TLE1: variants seen among roughly 807,000 people sequenced by gnomAD.
The protein encoded by TLE1 is TLE family member 1, transcriptional corepressor.
TLE1 carries 21 observed loss-of-function variants against 89.8 expected under a neutral mutation model. That is an observed-to-expected ratio of 0.23 (90% CI 0.17 to 0.34). TLE1 has a LOEUF of 0.34. Ranked by LOEUF, TLE1 falls within the 10% of genes least tolerant of loss-of-function variation. The probability of loss-of-function intolerance (pLI) is 1.00; values close to 1 mark genes in which losing one functional copy is unlikely to be tolerated. For synonymous variants in TLE1, 447 were observed against 407.6 expected, an observed-to-expected ratio of 1.10 and a Z score of -1.16; for missense variants, 795 against 1,031.2, an observed-to-expected ratio of 0.77 and a Z score of 3.14.
intron 4 of TLE1, among the ~76,000 whole-genome samples, chr9:81,656,189 C>T (rs976942887): frequency 6.6e-6 from 1 of 152,094 alleles, no homozygotes; most frequent in African/African-American, 2.4e-5. Flanking sequence ...CTGGGTCAGC[C>T]CCACCCAGTT....
intron 4 of TLE1, among the ~76,000 whole-genome samples, chr9:81,655,462 C>T (rs982902383): frequency 6.6e-6 from 1 of 152,116 alleles, no homozygotes; most frequent in East Asian, 1.9e-4. Flanking sequence ...AGAGAGGGAA[C>T]AGAGGGTACT....
chr9:81,680,439 T>C (rs908142590), intron 4 of TLE1, among the ~76,000 whole-genome samples: 15 of 152,310 alleles, frequency 9.8e-5, no homozygotes, highest in South Asian at 2.1e-4. Context: ...AATTTGGACA[T>C]GTTGTTCCTT....
At position 81,616,116 on chromosome 9, in the gene TLE1, C is replaced by T. The variant is rs188339598; in HGVS notation, c.784G>A (p.Ala262Thr). The T allele has an allele frequency of 5.5e-5, 89 of 1,612,602 alleles. No homozygotes were observed. The East Asian group carries it at 1.8e-3, about 32-fold the overall frequency. ...TCCCGGGGCGAGTGGGCAGGGCTTGCTCGCGGAGAAGAAGGGTCCTCAACA... is the reference window on the plus strand; with the variant it reads ...TCCCGGGGCGAGTGGGCAGGGCTTGTTCGCGGAGAAGAAGGGTCCTCAACA... ...VSNEDPSSPR[A>T]SPAHSPRENG... is the part of the protein sequence containing the mutation. Residue 262 changes from alanine to threonine, a missense_variant, in exon 11 of 20, where the codon GCA becomes ACA. This residue lies in a region of TLE1 where 468 missense variants were observed against 509.1 expected (regional missense o/e 0.92). Coordinates refer to ENST00000376499, the MANE Select transcript of TLE1 (RefSeq NM_005077.5).
intron 8 of TLE1, among the ~76,000 whole-genome samples, chr9:81,632,980 A>G (rs190129779): frequency 1.6e-3 from 244 of 152,326 alleles, no homozygotes; most frequent in African/African-American, 5.5e-3. Flanking sequence ...AAAAATGAAT[A>G]TTCTTTTAAA....
chr9:81,676,789 C>A (rs528174617), intron 4 of TLE1, among the ~76,000 whole-genome samples: 27 of 152,266 alleles, frequency 1.8e-4, no homozygotes, highest in African/African-American at 5.8e-4. Flanking sequence ...TCCCAGGGTG[C>A]GGCCAGGTTT....
intron 5 of TLE1, among the ~76,000 whole-genome samples, chr9:81,652,537 G>GA (rs1249578550): frequency 9.9e-5 from 15 of 151,620 alleles, no homozygotes; most frequent in Admixed American, 9.8e-4. Flanking sequence ...TGGAATGGTA[G>GA]AAAACAAAAA....
At chr9:81,628,195 A>G (rs1826133015) in intron 8 of TLE1, among the ~76,000 whole-genome samples, 1 of 152,192 alleles carries the variant, frequency 6.6e-6, no homozygotes, top group Non-Finnish European at 1.5e-5. Context: ...GCATTCCCTA[A>G]GCACCTTCTA....
intron 4 of TLE1, among the ~76,000 whole-genome samples, chr9:81,674,472 C>G (rs979507976): frequency 6.6e-6 from 1 of 152,076 alleles, no homozygotes; most frequent in Non-Finnish European, 1.5e-5. Flanking sequence ...TGGTCCTTAC[C>G]CCCTTACCAC....
intron 4 of TLE1, among the ~76,000 whole-genome samples, chr9:81,662,071 T>C (rs1201526539): frequency 6.6e-6 from 1 of 152,188 alleles, no homozygotes; most frequent in African/African-American, 2.4e-5. Context: ...ATTCCATGCA[T>C]GAAGCTGTTC....
intron 4 of TLE1, among the ~76,000 whole-genome samples, chr9:81,668,120 G>A (rs1253136191): frequency 1.3e-5 from 2 of 151,864 alleles, no homozygotes; most frequent in East Asian, 3.9e-4. Context: ...AGCCGAGATC[G>A]CGCCACTGCA....
Position 81,615,975 on chromosome 9 carries a change from T to A in TLE1, c.918+7A>T. ...CAAACAGGCAAGTGTCAGTTTTCTT[T>A]ACCTACCAAGCTCATTTCTTTGGAT... On this transcript the variant is annotated splice_region_variant and intron_variant, in intron 11 of 19. Coordinates refer to ENST00000376499, the MANE Select transcript of TLE1 (RefSeq NM_005077.5). 1 of 1,613,398 alleles carries A rather than the reference T, an allele frequency of 6.2e-7. No homozygotes were observed. Among genetic ancestry groups the A allele is most frequent in the Non-Finnish European group, 8.5e-7 (1 of 1,179,990 alleles).
chr9:81,623,616 T>TA lies in TLE1; in HGVS notation c.595-3060_595-3059insT, dbSNP rs1563985629. 6.1e-3 allele frequency among the ~76,000 whole-genome samples: 512 copies of TA among 84,344 alleles called. 6 individuals carry two copies. The highest frequency in any genetic ancestry group is 0.027 in the African/African-American group (488 of 18,042). 55.3% of individuals were successfully genotyped at this position (84,344 alleles called of 152,430 possible). A position where few individuals can be genotyped will look rare whatever the true frequency, so the allele number is the denominator to read the frequency against. On this transcript the variant is annotated intron_variant, in intron 8 of 19. Coordinates refer to ENST00000376499, the MANE Select transcript of TLE1 (RefSeq NM_005077.5). ...CAACATGGTGAAACCCCATCTGTACTTAAAAAAAAAAAAAAAAAAAAAAAA... is the reference window on the plus strand; with the variant it reads ...CAACATGGTGAAACCCCATCTGTACTATAAAAAAAAAAAAAAAAAAAAAAAA...
chr9:81,662,071 T>A (rs1201526539), intron 4 of TLE1, among the ~76,000 whole-genome samples: 3 of 152,306 alleles, frequency 2.0e-5, no homozygotes, highest in Admixed American at 6.5e-5. Context: ...ATTCCATGCA[T>A]GAAGCTGTTC....
chr9:81,629,772 C>G (rs1467090175), intron 8 of TLE1, among the ~76,000 whole-genome samples: 1 of 152,150 alleles, frequency 6.6e-6, no homozygotes, highest in Non-Finnish European at 1.5e-5. Context: ...ATTTGTGTAT[C>G]TAAACACACC....
At chr9:81,590,091 T>A (rs1483776961) in intron 16 of TLE1, among the ~76,000 whole-genome samples, 1 of 152,136 alleles carries the variant, frequency 6.6e-6, no homozygotes, top group African/African-American at 2.4e-5. Flanking sequence ...GAAACAAGAG[T>A]AAAACATGTA....
chr9:81,687,327 C>T lies in TLE1; in HGVS notation c.125+7G>A, dbSNP rs1336525045. The T allele has an allele frequency of 1.9e-6, 3 of 1,598,966 alleles. No homozygotes were observed. The highest frequency in any genetic ancestry group is 3.5e-5 in the Admixed American group (2 of 57,756). On this transcript the variant is annotated splice_region_variant and intron_variant, in intron 2 of 19. Coordinates refer to ENST00000376499, the MANE Select transcript of TLE1 (RefSeq NM_005077.5). ...CGACCACTCGCATGGCGCGGCCGGA[C>T]ACGCACCTGTGATACTGCGCCTGCA... is the stretch of plus-strand genomic sequence containing the variant.
At chr9:81,681,334 T>C (rs546005068) in intron 4 of TLE1, among the ~76,000 whole-genome samples, 32 of 152,168 alleles carry the variant, frequency 2.1e-4, no homozygotes, top group Admixed American at 1.8e-3. Context: ...GGGAATCACT[T>C]GAGGTCAGGA....
intron 4 of TLE1, among the ~76,000 whole-genome samples, chr9:81,680,646 A>G (rs1588250398): frequency 6.6e-6 from 1 of 152,130 alleles, no homozygotes; most frequent in South Asian, 2.1e-4. Context: ...CTGCTTGCTG[A>G]TAAGAAACAA....
intron 14 of TLE1, among the ~76,000 whole-genome samples, chr9:81,609,332 G>A (rs959869274): frequency 2.4e-4 from 36 of 152,190 alleles, no homozygotes; most frequent in African/African-American, 7.5e-4. Flanking sequence ...TGATCCACCC[G>A]CCTCAGCCTC....
Sources: allele counts gnomAD v4.1 joint callset (sites outside exome capture counted in the v4.1 genomes callset), GRCh38; gene constraint gnomAD v4.1.1; regional missense constraint gnomAD v4.1.1; transcripts MANE v1.5; gene names NCBI Gene and HGNC (gene_info 2026-07-23, HGNC 2026-07-21).